Variants in PCDH7 observed in about 807,000 individuals in gnomAD.
PCDH7 encodes the protein protocadherin-7.
In PCDH7, 17 loss-of-function variants were observed where a neutral mutation model predicts 58.9. That is an observed-to-expected ratio of 0.29 (90% confidence interval 0.20 to 0.43). The LOEUF (loss-of-function observed/expected upper bound fraction) is 0.43. Ranked by LOEUF, PCDH7 falls within the 20% of genes least tolerant of loss-of-function variation. PCDH7 has a pLI of 1.00. For synonymous variants in PCDH7, 664 were observed against 616.4 expected, an observed-to-expected ratio of 1.08 and a Z score of -1.14; for missense variants, 1,274 against 1,441.0, an observed-to-expected ratio of 0.88 and a Z score of 1.88.
Position 30,895,042 on chromosome 4 carries a change from T to C in PCDH7, c.71-25111T>C, listed in dbSNP as rs527756478. On this transcript the variant is annotated intron_variant, in intron 1 of 3. Coordinates refer to the PCDH7 transcript ENST00000509759. Reference sequence around the variant, plus strand: ...TAGTTTTATCTTCTTATACCAAGGGTGGCATCTATCCTTTCTTTACGAAAT... The same window carrying C: ...TAGTTTTATCTTCTTATACCAAGGGCGGCATCTATCCTTTCTTTACGAAAT... Among the ~76,000 whole-genome samples, 22 of 151,996 alleles carry C rather than the reference T, an allele frequency of 1.4e-4. No individual in the cohort carries two copies. The East Asian group carries it at 3.3e-3, about 23-fold the overall frequency.
chr4:31,089,445 G>A (rs150906916), intron 3 of PCDH7, among the ~76,000 whole-genome samples: 1 of 151,500 alleles, frequency 6.6e-6, no homozygotes, highest in East Asian at 1.9e-4. Context: ...ATTTTTCTTG[G>A]CATTACTTTT....
At chr4:31,058,698 T>C (rs1030955831) in intron 3 of PCDH7, among the ~76,000 whole-genome samples, 7 of 152,054 alleles carry the variant, frequency 4.6e-5, no homozygotes, top group African/African-American at 1.7e-4. Context: ...GTTAATTGCC[T>C]GGCAGTCTTT....
intron 3 of PCDH7, among the ~76,000 whole-genome samples, chr4:31,116,961 G>C (rs939434313): frequency 6.6e-6 from 1 of 152,092 alleles, no homozygotes; most frequent in African/African-American, 2.4e-5. Flanking sequence ...TCAGACTCCT[G>C]AGTAGCTGGG....
intron 1 of PCDH7, among the ~76,000 whole-genome samples, chr4:30,781,424 G>C (rs1017142230): frequency 7.2e-5 from 11 of 151,980 alleles, no homozygotes; most frequent in Non-Finnish European, 1.5e-4. Context: ...ACAGGCATGA[G>C]CCACCGCACC....
intron 1 of PCDH7, among the ~76,000 whole-genome samples, chr4:30,918,486 C>T (rs1367924545): frequency 1.3e-5 from 2 of 151,540 alleles, no homozygotes; most frequent in Non-Finnish European, 2.9e-5. Flanking sequence ...AACTATATTA[C>T]CATCAAGAAA....
intron 3 of PCDH7, among the ~76,000 whole-genome samples, chr4:31,066,925 G>A (rs1758140529): frequency 6.6e-6 from 1 of 151,798 alleles, no homozygotes; most frequent in South Asian, 2.1e-4. Flanking sequence ...TAAAGACAAT[G>A]CAAGATAAAG....
intron 1 of PCDH7, among the ~76,000 whole-genome samples, chr4:30,876,592 C>T (rs1736320732): frequency 6.6e-6 from 1 of 151,798 alleles, no homozygotes; most frequent in Admixed American, 6.6e-5. Flanking sequence ...TTTATTAAGA[C>T]TTTTAGTTTA....
chr4:30,785,049 A>C (rs1723225734), intron 1 of PCDH7, among the ~76,000 whole-genome samples: 1 of 152,062 alleles, frequency 6.6e-6, no homozygotes. Context: ...CACTGAAAAG[A>C]AACAGAAAGT....
intron 1 of PCDH7, among the ~76,000 whole-genome samples, chr4:30,862,395 T>C (rs994904196): frequency 7.2e-5 from 11 of 152,182 alleles, no homozygotes; most frequent in African/African-American, 2.7e-4. Flanking sequence ...CCATTAGCTG[T>C]CTACATCCAC....
chr4:30,924,988 C>T (rs1215342043), intron 2 of PCDH7, among the ~76,000 whole-genome samples: 3 of 151,634 alleles, frequency 2.0e-5, no homozygotes, highest in South Asian at 2.1e-4. Context: ...TCATTTTATG[C>T]CTCTTGATTT....
intron 3 of PCDH7, among the ~76,000 whole-genome samples, chr4:30,989,784 A>G (rs933134057): frequency 6.6e-6 from 1 of 152,134 alleles, no homozygotes; most frequent in East Asian, 1.9e-4. Flanking sequence ...TGATTATCTG[A>G]CACCCTTCCC....
chr4:30,799,848 T>C (rs1439601394), intron 1 of PCDH7, among the ~76,000 whole-genome samples: 1 of 151,884 alleles, frequency 6.6e-6, no homozygotes, highest in African/African-American at 2.4e-5. Flanking sequence ...TTGCTATTTA[T>C]GAATATCACT....
chr4:31,083,828 C>A (rs958937037), intron 3 of PCDH7, among the ~76,000 whole-genome samples: 2 of 152,208 alleles, frequency 1.3e-5, no homozygotes, highest in Admixed American at 1.3e-4. Flanking sequence ...GAGGGAATTA[C>A]TGCAGCATAT....
intron 3 of PCDH7, among the ~76,000 whole-genome samples, chr4:31,089,917 A>G (rs1479154290): frequency 6.6e-6 from 1 of 152,128 alleles, no homozygotes; most frequent in African/African-American, 2.4e-5. Context: ...ATTTTCTTTT[A>G]CAGGCCCCAG....
chr4:30,993,266 A>G (rs572579033), intron 3 of PCDH7, among the ~76,000 whole-genome samples: 58 of 152,208 alleles, frequency 3.8e-4, no homozygotes, highest in Non-Finnish European at 7.8e-4. Context: ...CATGTATGTG[A>G]TCCCACATGG....
chr4:31,058,100 A>G (rs1350853831), intron 3 of PCDH7, among the ~76,000 whole-genome samples: 1 of 152,154 alleles, frequency 6.6e-6, no homozygotes, highest in Non-Finnish European at 1.5e-5. Context: ...AGTTTTATTT[A>G]GAAGCAGTAG....
In PCDH7 at chr4:30,940,263, A is replaced by T. The variant is rs1316761890; in HGVS notation, c.288-9857A>T. Among the ~76,000 whole-genome samples the T allele has an allele frequency of 3.3e-5, 5 of 152,128 alleles. No homozygotes were observed. The East Asian group carries it at 7.7e-4, about 24-fold the overall frequency. On this transcript the variant is annotated intron_variant, in intron 2 of 3. Coordinates refer to the PCDH7 transcript ENST00000509759. ...CTTTTTTTGTCTTGAATTTAAAAAA[A>T]ATTATCACACTTTCTGAACTGATTT...
intron 3 of PCDH7, among the ~76,000 whole-genome samples, chr4:31,078,452 T>A (rs551329320): frequency 6.6e-6 from 1 of 151,720 alleles, no homozygotes; most frequent in African/African-American, 2.4e-5. Context: ...TTGGCTAACT[T>A]TTTTTTTCTT....
At chr4:30,891,807 A>T (rs1738645316) in intron 1 of PCDH7, among the ~76,000 whole-genome samples, 1 of 148,192 alleles carries the variant, frequency 6.7e-6, no homozygotes. Flanking sequence ...GTTAAACTGT[A>T]CTCTCCAGGG....
Sources: allele counts gnomAD v4.1 joint callset (sites outside exome capture counted in the v4.1 genomes callset), GRCh38; gene constraint gnomAD v4.1.1; transcripts MANE v1.5; gene names NCBI Gene and HGNC (gene_info 2026-07-23, HGNC 2026-07-21).